Variants in BACE2 observed in about 807,000 individuals in gnomAD.
The protein encoded by BACE2 is beta-secretase 2, also known as 56 kDa aspartic-like protease.
Under a neutral mutation model 46.2 loss-of-function variants are expected in BACE2, and 17 were observed. That is an observed-to-expected ratio of 0.37 (90% CI 0.25 to 0.55). The LOEUF is 0.55. BACE2 is among the 20% of genes least tolerant of loss of function. The pLI is 0.82. For missense variants in BACE2, 595 were observed against 698.1 expected, an observed-to-expected ratio of 0.85 and a Z score of 1.66; for synonymous variants, 277 against 295.9, an observed-to-expected ratio of 0.94 and a Z score of 0.66.
chr21:41,170,277 T>A (rs2252503), intron 1 of BACE2, among the ~76,000 whole-genome samples: 48,004 of 152,000 alleles, frequency 0.32, 9,192 homozygotes, highest in Non-Finnish European at 0.43. Context: ...ACCTTTATTT[T>A]AAAATGATGA....
intron 1 of BACE2, among the ~76,000 whole-genome samples, chr21:41,218,896 C>G (rs1168988357): frequency 6.7e-6 from 1 of 148,548 alleles, no homozygotes; most frequent in Non-Finnish European, 1.5e-5. Context: ...CAGAGTCTCG[C>G]TCTGTCACCA....
intron 3 of BACE2, among the ~76,000 whole-genome samples, chr21:41,240,464 G>A (rs1568882279): frequency 1.3e-5 from 2 of 152,238 alleles, no homozygotes; most frequent in Non-Finnish European, 1.5e-5. Context: ...TGCTCCAAGT[G>A]CTTTACAGGT....
chr21:41,218,895 G>GAGA (rs1568872461), intron 1 of BACE2, among the ~76,000 whole-genome samples: 1 of 147,124 alleles, frequency 6.8e-6, no homozygotes, highest in African/African-American at 2.6e-5. Flanking sequence ...ACAGAGTCTC[G>GAGA]CTCTGTCACC....
At chr21:41,172,189 T>A (rs1984630503) in intron 1 of BACE2, among the ~76,000 whole-genome samples, 1 of 152,200 alleles carries the variant, frequency 6.6e-6, no homozygotes, top group Non-Finnish European at 1.5e-5. Flanking sequence ...TGCCACCAGC[T>A]CCTTCGAGTG....
At chr21:41,273,215 T>A (rs2088451351) in intron 8 of BACE2, among the ~76,000 whole-genome samples, 1 of 152,198 alleles carries the variant, frequency 6.6e-6, no homozygotes, top group Non-Finnish European at 1.5e-5. Context: ...AAATCAAAAT[T>A]GCTAATGAAG....
At chr21:41,181,156 T>C (rs543854655) in intron 1 of BACE2, 1 of 167,216 alleles carries the variant, frequency 6.0e-6, no homozygotes, top group South Asian at 2.1e-4. Context: ...TCATGTCAGT[T>C]CCAAGTTTTT....
chr21:41,227,255 G>A (rs1038023433), intron 2 of BACE2, among the ~76,000 whole-genome samples: 1 of 152,238 alleles, frequency 6.6e-6, no homozygotes, highest in Non-Finnish European at 1.5e-5. Flanking sequence ...GAACAGGTAA[G>A]CTGACATGCT....
chr21:41,252,776 C>T (rs779087665), intron 7 of BACE2, among the ~76,000 whole-genome samples: 3 of 152,206 alleles, frequency 2.0e-5, no homozygotes, highest in South Asian at 4.1e-4. Context: ...AGGAAGGAGG[C>T]GTAATTTCAG....
rs1277188701 is a variant in BACE2 at position 41,168,412 on chromosome 21, G to A, written c.149G>A (p.Gly50Glu). The change falls in exon 1 of 9, where the codon GGG becomes GAG. Residue 50 changes from glycine (G) to glutamate (E), a missense_variant. Transcript: ENST00000330333. ...GTAGTTGCGCCCACCCCGGGACCCG[G>A]GACCCCTGCCGAGCGCCACGCCGAC... ...NRVVAPTPGP[G>E]TPAERHADGL... 4 of 1,413,990 alleles carry A rather than the reference G, an allele frequency of 2.8e-6. No individual in the cohort carries two copies. The highest frequency in any genetic ancestry group is 3.7e-6 in the Non-Finnish European group (4 of 1,081,322). 87.6% of individuals were successfully genotyped at this position (1,413,990 alleles called of 1,614,324 possible). A position where few individuals can be genotyped will look rare whatever the true frequency, so the allele number is the denominator to read the frequency against.
intron 3 of BACE2, among the ~76,000 whole-genome samples, chr21:41,237,987 A>G (rs757922918): frequency 6.6e-6 from 1 of 152,268 alleles, no homozygotes. Context: ...ATAGTTTAAA[A>G]TGTTAACAGA....
intron 7 of BACE2, among the ~76,000 whole-genome samples, 196 bp downstream of exon 7, chr21:41,251,097 C>T (rs1457824069): frequency 1.3e-5 from 2 of 152,210 alleles, no homozygotes; most frequent in African/African-American, 4.8e-5. Context: ...TCACGTGTCT[C>T]TACTCAGCTG....
chr21:41,171,468 G>A (rs977054265), intron 1 of BACE2, among the ~76,000 whole-genome samples: 1 of 152,246 alleles, frequency 6.6e-6, no homozygotes. Context: ...AAGCCCGCCT[G>A]AGAGCTGCAA....
chr21:41,179,879 C>T (rs953277943), intron 1 of BACE2: 13 of 384,266 alleles, frequency 3.4e-5, no homozygotes, highest in Non-Finnish European at 6.3e-5. Context: ...GGGAGATGAT[C>T]CCAGTGATGC....
intron 1 of BACE2, chr21:41,225,758 C>T (rs1048439121): frequency 2.0e-5 from 3 of 153,234 alleles, no homozygotes; most frequent in African/African-American, 2.4e-5. Flanking sequence ...ACCTAAAAAA[C>T]AATGCTTGTG....
At chr21:41,263,627 C>T (rs1197151670) in intron 8 of BACE2, among the ~76,000 whole-genome samples, 1 of 152,072 alleles carries the variant, frequency 6.6e-6, no homozygotes, top group Non-Finnish European at 1.5e-5. Flanking sequence ...GCCTGTGTTC[C>T]CTTAGTGTTT....
intron 1 of BACE2, chr21:41,178,306 A>G (rs968740952): frequency 2.6e-4 from 39 of 152,234 alleles, no homozygotes; most frequent in African/African-American, 8.9e-4. Flanking sequence ...TGTTCCTAAC[A>G]CCACGTGGAT....
chr21:41,202,890 A>C (rs543148868), intron 1 of BACE2, among the ~76,000 whole-genome samples: 140 of 152,296 alleles, frequency 9.2e-4, no homozygotes, highest in African/African-American at 3.1e-3. Context: ...GATTCCAGTG[A>C]TCAGGCAGGA....
intron 1 of BACE2, among the ~76,000 whole-genome samples, chr21:41,209,983 G>T (rs966739356): frequency 6.6e-6 from 1 of 152,164 alleles, no homozygotes; most frequent in Non-Finnish European, 1.5e-5. Flanking sequence ...TCAAAACTCA[G>T]TCAGGGAGGT....
intron 1 of BACE2, chr21:41,185,214 G>A (rs1442239510): frequency 6.1e-6 from 1 of 164,420 alleles, no homozygotes; most frequent in Non-Finnish European, 1.5e-5. Context: ...ATAGCAAGGT[G>A]TTATAAAAAT....
Sources: gnomAD v4.1 joint callset for allele counts (sites outside exome capture counted in the v4.1 genomes callset) on GRCh38, gnomAD v4.1.1 for gene constraint, MANE v1.5 for transcripts, NCBI Gene and HGNC (gene_info 2026-07-23, HGNC 2026-07-21) for gene names.